PELP1: variants seen among roughly 807,000 people sequenced by gnomAD.
PELP1 encodes proline, glutamate and leucine rich protein 1.
In PELP1, 32 loss-of-function variants were observed where a neutral mutation model predicts 95.5. The ratio of observed to expected loss-of-function variants is 0.34; its 90% CI spans 0.25 to 0.45. The LOEUF is 0.45. PELP1 is among the 20% of genes least tolerant of loss of function. The pLI is 1.00. For synonymous variants in PELP1, 668 were observed against 600.1 expected (o/e 1.11, Z -1.65); for missense variants, 1,358 against 1,444.8 (o/e 0.94, Z 0.97).
intron 3 of PELP1, among the ~76,000 whole-genome samples, chr17:4,683,412 G>A (rs1265739640): frequency 6.6e-6 from 1 of 151,704 alleles, no homozygotes; most frequent in Admixed American, 6.6e-5. Context: ...AGTAGAGACG[G>A]GGTTTCACTA....
chr17:4,682,158 T>C lies in PELP1; in HGVS notation c.642+344A>G, dbSNP rs533448733. On this transcript the variant is annotated intron_variant, in intron 5 of 16. Coordinates refer to ENST00000572293, the MANE Select transcript of PELP1 (RefSeq NM_014389.3). Reference sequence around the variant, plus strand: ...CTGGACAACAGAGTAAGACCCTGTCTCAAAAAAAAGACAAGGTGGTAGAAA... The same window carrying C: ...CTGGACAACAGAGTAAGACCCTGTCCCAAAAAAAAGACAAGGTGGTAGAAA... 4.6e-5 allele frequency among the ~76,000 whole-genome samples: 7 copies of C among 151,978 alleles called. 1 individual carries two copies. The South Asian group carries it at 1.5e-3, about 32-fold the overall frequency.
At chr17:4,671,655 T>G (rs373543330) in intron 16 of PELP1, 36 bp downstream of exon 16, 1 of 1,600,344 alleles carries the variant, frequency 6.2e-7, no homozygotes, top group Non-Finnish European at 8.5e-7. Flanking sequence ...AGCCCCACCT[T>G]CTCGCCCAAG....
chr17:4,679,890 G>A (rs1022498876), intron 5 of PELP1, among the ~76,000 whole-genome samples: 3 of 152,140 alleles, frequency 2.0e-5, no homozygotes, highest in Admixed American at 6.5e-5. Flanking sequence ...GCACTTTTCA[G>A]ATACTGCGAG....
At chr17:4,683,058 G>C (rs1886599577) in intron 3 of PELP1, 106 bp from the exon 4 acceptor site, 1 of 1,361,424 alleles carries the variant, frequency 7.3e-7, no homozygotes, top group South Asian at 2.0e-5. Flanking sequence ...GTTAATGTCA[G>C]TCTGACCATC....
intron 7 of PELP1, 76 bp downstream of exon 7, chr17:4,676,281 C>G (rs1912472517): frequency 3.2e-6 from 5 of 1,579,640 alleles, no homozygotes; most frequent in Non-Finnish European, 4.3e-6. Context: ...TGCCCCATGT[C>G]TCTGGGCTCC....
At chr17:4,685,363 T>C (rs914170997) in intron 3 of PELP1, among the ~76,000 whole-genome samples, 3 of 152,160 alleles carry the variant, frequency 2.0e-5, no homozygotes, top group African/African-American at 7.2e-5. Context: ...TCAGTCTCCT[T>C]AGTCAGTTCA....
In PELP1 at chr17:4,671,516, C is replaced by T. The variant is rs1567658964; in HGVS notation, c.3316G>A (p.Ala1106Thr). ...ALQEKEQDDT[A>T]AMLADFIDCP... is the part of the protein sequence containing the mutation. The stretch of plus-strand genomic sequence containing the variant: ...TCGATGAAGTCGGCCAGCATGGCAG[C>T]TGTGTCATCCTGCTCCTTTTAGGCA... The change falls in exon 17 of 17, where the codon GCT becomes ACT. Residue 1106 changes from alanine to threonine, a missense_variant. By Grantham distance (58) the Ala-to-Thr change is moderately conservative. This residue lies in a region of PELP1 where 283 missense variants were observed against 284.1 expected (regional missense o/e 1.00). Coordinates refer to ENST00000572293, the MANE Select transcript of PELP1 (RefSeq NM_014389.3). 1 of 1,613,752 alleles carries T rather than the reference C, an allele frequency of 6.2e-7. No homozygotes were observed.
chr17:4,676,603 G>A lies in PELP1; in HGVS notation c.703-96C>T, dbSNP rs113090939. 172 of 1,499,288 alleles carry A rather than the reference G, an allele frequency of 1.1e-4. 1 individual carries two copies. The African/African-American group carries it at 1.9e-3, about 17-fold the overall frequency. 92.9% of individuals were successfully genotyped at this position (1,499,288 alleles called of 1,614,324 possible). ...ACACCCAAAAGAGATGGAGATCAGAGAGAGCTCTGAGGGAAACCTGAGATG... is the reference window on the plus strand; with the variant it reads ...ACACCCAAAAGAGATGGAGATCAGAAAGAGCTCTGAGGGAAACCTGAGATG... On this transcript the variant is annotated intron_variant, in intron 6 of 16. Transcript: ENST00000572293.
At chr17:4,689,386 C>A (rs1436928645) in intron 3 of PELP1, among the ~76,000 whole-genome samples, 1 of 152,174 alleles carries the variant, frequency 6.6e-6, no homozygotes, top group African/African-American at 2.4e-5. Flanking sequence ...CAGTAAACAA[C>A]CCACAAAGCG....
rs1567661416 is a variant in PELP1, at chr17:4,675,142, T to G, written c.1211A>C (p.Gln404Pro). Residue 404 changes from glutamine to proline, a missense_variant, in exon 11 of 17, where the codon CAG becomes CCG. Transcript: ENST00000572293. This position sits in a 1 kb window ranked among gnomAD's most constrained non-coding sequence, Gnocchi z 4.3. ...ACCGATGCTCCAGGAATTGAGGACC[T>G]GGGGAAGCAGGCGGCCGATCAGGAT... ...FGILIGRLLP[Q>P]VLNSWSIGRD... 1 of 1,613,848 alleles carries G rather than the reference T, an allele frequency of 6.2e-7. No individual in the cohort carries two copies. The highest frequency in any genetic ancestry group is 8.5e-7 in the Non-Finnish European group (1 of 1,179,850).
chr17:4,692,005 C>G (rs1012307129), intron 1 of PELP1, among the ~76,000 whole-genome samples: 1 of 152,116 alleles, frequency 6.6e-6, no homozygotes, highest in African/African-American at 2.4e-5. Flanking sequence ...CTCCATGCCC[C>G]AAATGGCCAG....
rs527580148 is a variant in PELP1, at chr17:4,673,559, C to T, written c.1638+60G>A. 3 of 1,579,248 alleles carry T rather than the reference C, an allele frequency of 1.9e-6. No individual in the cohort carries two copies. The highest frequency in any genetic ancestry group is 1.1e-5 in the South Asian group (1 of 90,342). On this transcript the variant is annotated intron_variant, in intron 14 of 16. Transcript: ENST00000572293. This position sits in a 1 kb window ranked among gnomAD's most constrained non-coding sequence, Gnocchi z 5.7. ...TGGACCCACCTCTGGGCCACACCCC[C>T]CAATGTGTACAGAGCAGGGGCCCCT...
rs1443998814 is a variant in PELP1, at chr17:4,672,101, C to T, written c.2890G>A (p.Glu964Lys). 1 of 1,554,092 alleles carries T rather than the reference C, an allele frequency of 6.4e-7. No individual in the cohort carries two copies. The highest frequency in any genetic ancestry group is 2.4e-5 in the East Asian group (1 of 41,158). ...EEELEEVEDL[E>K]FGTAGGEVEE... ...ACCTCCCCTCCTGCTGTGCCAAACT[C>T]CAGGTCTTCCACCTCTTCCAGTTCT... The change falls in exon 16 of 17, where the codon GAG (glutamate) becomes AAG (lysine). Residue 964 changes from glutamate (E) to lysine (K), a missense_variant. Coordinates refer to ENST00000572293, the MANE Select transcript of PELP1 (RefSeq NM_014389.3).
At chr17:4,685,792 T>A (rs1332169866) in intron 3 of PELP1, among the ~76,000 whole-genome samples, 2 of 119,574 alleles carry the variant, frequency 1.7e-5, no homozygotes, top group African/African-American at 3.1e-5. Flanking sequence ...AACCATGTCT[T>A]AAAAAAAAAA....
chr17:4,698,697 T>C (rs1197452069), intron 1 of PELP1, among the ~76,000 whole-genome samples: 1 of 147,810 alleles, frequency 6.8e-6, no homozygotes, highest in African/African-American at 2.5e-5. Context: ...AAATGCAACA[T>C]GTGATCCTGC....
chr17:4,682,363 G>T, intron 5 of PELP1, 139 bp downstream of exon 5: 1 of 646,876 alleles, frequency 1.5e-6, no homozygotes. Context: ...GTGCTACAAA[G>T]TGGTAGAAGT....
intron 1 of PELP1, among the ~76,000 whole-genome samples, chr17:4,700,353 G>A (rs113250127): frequency 0.023 from 3,536 of 152,040 alleles, 150 homozygotes; most frequent in African/African-American, 0.081. Context: ...TCTAAAATAC[G>A]ACAAAAAGTG....
rs1352407599 is a variant in PELP1, at chr17:4,675,183, C to A, written c.1170G>T (p.Arg390=). 2.5e-6 allele frequency: 4 copies of A among 1,613,532 alleles called. No homozygotes were observed. Among genetic ancestry groups the A allele is most frequent in the Admixed American group, 3.3e-5 (2 of 59,952 alleles). ...LSALILACGS[R]LLRFGILIGR... is the part of the protein sequence containing the mutation. Reference sequence around the variant, plus strand: ...CGATCAGGATCCCAAAGCGCAAGAGCCGGCTTCCACACCTGGGGCAGAGAA... The same window carrying A: ...CGATCAGGATCCCAAAGCGCAAGAGACGGCTTCCACACCTGGGGCAGAGAA... The change falls in exon 11 of 17, where the codon CGG becomes CGT. Residue 390 remains arginine, a synonymous_variant. Coordinates refer to ENST00000572293, the MANE Select transcript of PELP1 (RefSeq NM_014389.3). This position sits in a 1 kb window ranked among gnomAD's most constrained non-coding sequence, Gnocchi z 4.3.
At chr17:4,682,210 A>G (rs754141175) in intron 5 of PELP1, among the ~76,000 whole-genome samples, 4 of 152,178 alleles carry the variant, frequency 2.6e-5, no homozygotes, top group Admixed American at 1.3e-4. Context: ...TAAGAGATAC[A>G]GAAAAGGCAA....
Sources: gnomAD v4.1 joint callset for allele counts (sites outside exome capture counted in the v4.1 genomes callset) on GRCh38, gnomAD v4.1.1 for gene constraint, gnomAD v4.1.1 regional missense constraint, Gnocchi (gnomAD v3.1) non-coding constraint, MANE v1.5 for transcripts, NCBI Gene and HGNC (gene_info 2026-07-23, HGNC 2026-07-21) for gene names.